Variants in BLTP1 observed in about 807,000 individuals in gnomAD.
The protein encoded by BLTP1 is fragile site-associated protein.
At chr4:122,169,982 A>G in the BLTP1 span, 1 of 985,262 alleles carries the variant, frequency 1.0e-6, no homozygotes. Context: ...GTAGATGGCT[A>G]GTATTTCTGA....
chr4:122,352,431 C>G, the BLTP1 span, among the ~76,000 whole-genome samples: 1 of 148,094 alleles, frequency 6.8e-6, no homozygotes, highest in Non-Finnish European at 1.5e-5. Context: ...ACGATCTCAG[C>G]TCACTACAAC....
the BLTP1 span, chr4:122,190,104 T>C: frequency 6.2e-7 from 1 of 1,609,168 alleles, no homozygotes; most frequent in Non-Finnish European, 8.5e-7. Flanking sequence ...GTTGTTGCTG[T>C]TTTTTTTAAA....
chr4:122,290,902 T>C, the BLTP1 span: 21 of 211,170 alleles, frequency 9.9e-5, no homozygotes, highest in Admixed American at 1.1e-3. Flanking sequence ...ATATATAATA[T>C]ATAATTAAAA....
the BLTP1 span, chr4:122,315,809 G>A: frequency 1.2e-6 from 1 of 815,808 alleles, no homozygotes; most frequent in East Asian, 2.7e-5. Context: ...GAAGGGAATG[G>A]TGGTTCACTG....
the BLTP1 span, among the ~76,000 whole-genome samples, chr4:122,268,555 G>A: frequency 1.3e-5 from 2 of 151,936 alleles, no homozygotes; most frequent in East Asian, 3.9e-4. Flanking sequence ...GAGTTTTTCT[G>A]GCTAGATATT....
the BLTP1 span, chr4:122,219,508 C>T: frequency 2.5e-6 from 4 of 1,613,724 alleles, no homozygotes; most frequent in African/African-American, 1.3e-5. Flanking sequence ...ACTTGCCTTG[C>T]GTCCTTGGGA....
chr4:122,267,059 T>TTTTTTTTTTTTTTTTTTTTTTC, the BLTP1 span: 1 of 427,530 alleles, frequency 2.3e-6, no homozygotes, highest in Non-Finnish European at 3.9e-6. Flanking sequence ...TAATTTTTTT[T>TTTTTTTTTTTTTTTTTTTTTTC]TTTTTTTTTT....
At chr4:122,185,721 G>A in the BLTP1 span, among the ~76,000 whole-genome samples, 587 of 152,030 alleles carry the variant, frequency 3.9e-3, 6 homozygotes, top group African/African-American at 0.013. Context: ...ATATATTAGG[G>A]TAAAGGTGTA....
the BLTP1 span, among the ~76,000 whole-genome samples, chr4:122,180,718 G>C: frequency 2.0e-4 from 30 of 152,224 alleles, no homozygotes; most frequent in African/African-American, 7.2e-4. Context: ...TGGGACACAT[G>C]CTATTTGTAG....
At chr4:122,207,514 C>CTTTTTTTTTTTTT in the BLTP1 span, 232 of 1,286,832 alleles carry the variant, frequency 1.8e-4, 1 homozygote, top group South Asian at 7.4e-4. Flanking sequence ...ACTTTTTCTT[C>CTTTTTTTTTTTTT]TTTTTTTTTT....
chr4:122,169,885 G>A, the BLTP1 span: 2 of 985,130 alleles, frequency 2.0e-6, no homozygotes, highest in Non-Finnish European at 2.4e-6. Context: ...ATACATAGAG[G>A]TGATGGAGGG....
At chr4:122,207,598 A>C in the BLTP1 span, 1 of 1,603,062 alleles carries the variant, frequency 6.2e-7, no homozygotes, top group Non-Finnish European at 8.5e-7. Flanking sequence ...CCTTTTACGG[A>C]CTTTGTTCCA....
At chr4:122,209,831 G>A in the BLTP1 span, 2 of 1,613,306 alleles carry the variant, frequency 1.2e-6, no homozygotes, top group Non-Finnish European at 1.7e-6. Context: ...TGGTTGGGTT[G>A]AATGCTGGAC....
At chr4:122,250,273 CTT>C in the BLTP1 span, 1 of 1,337,534 alleles carries the variant, frequency 7.5e-7, no homozygotes, top group South Asian at 1.4e-5. Context: ...AAAAAATAGT[CTT>C]TATGAAATTT....
At chr4:122,211,118 A>G in the BLTP1 span, 2 of 1,579,212 alleles carry the variant, frequency 1.3e-6, no homozygotes. Flanking sequence ...AAAACAACTT[A>G]CATACTTTTA....
chr4:122,309,148 A>G, the BLTP1 span: 1 of 1,358,654 alleles, frequency 7.4e-7, no homozygotes, highest in East Asian at 2.5e-5. Context: ...GCTGCTCTTT[A>G]ATGAACATAT....
chr4:122,181,521 T>A, the BLTP1 span, among the ~76,000 whole-genome samples: 1 of 152,058 alleles, frequency 6.6e-6, no homozygotes, highest in Non-Finnish European at 1.5e-5. Context: ...GGATCTGCCC[T>A]TAATCAGAGA....
At chr4:122,358,552 T>C in the BLTP1 span, among the ~76,000 whole-genome samples, 3 of 152,120 alleles carry the variant, frequency 2.0e-5, no homozygotes, top group African/African-American at 7.2e-5. Context: ...AATCAACATA[T>C]TTAGAGAACA....
chr4:122,264,806 TG>T, the BLTP1 span, among the ~76,000 whole-genome samples: 3 of 152,152 alleles, frequency 2.0e-5, no homozygotes, highest in Non-Finnish European at 4.4e-5. Flanking sequence ...AAACTATAGA[TG>T]TAGAAATATT....
Sources: gnomAD v4.1 joint callset for allele counts (sites outside exome capture counted in the v4.1 genomes callset) on GRCh38, gnomAD v4.1.1 for gene constraint, MANE v1.5 for transcripts, NCBI Gene and HGNC (gene_info 2026-07-23, HGNC 2026-07-21) for gene names.